The following PCLO variants were observed in gnomAD, a reference collection of about 807,000 sequenced individuals.
The protein encoded by PCLO is protein piccolo.
In PCLO, 82 loss-of-function variants were observed where a neutral mutation model predicts 427.5. The ratio of observed to expected loss-of-function variants is 0.19; its 90% CI spans 0.16 to 0.23. PCLO has a LOEUF of 0.23. Ranked by LOEUF, PCLO falls within the 10% of genes least tolerant of loss-of-function variation. PCLO has a pLI of 1.00. For synonymous variants in PCLO, 2,357 were observed against 2,155.4 expected, an observed-to-expected ratio of 1.09 and a Z score of -2.59; for missense variants, 6,239 against 6,115.9, an observed-to-expected ratio of 1.02 and a Z score of -0.67.
chr7:83,056,062 C>T (rs1390945468), intron 3 of PCLO, among the ~76,000 whole-genome samples: 2 of 152,010 alleles, frequency 1.3e-5, no homozygotes, highest in Admixed American at 6.6e-5. Context: ...ATGATCTCAG[C>T]AATTTAGCTG....
At chr7:82,957,366 G>A (rs1795550756) in intron 4 of PCLO, among the ~76,000 whole-genome samples, 2 of 152,034 alleles carry the variant, frequency 1.3e-5, no homozygotes, top group African/African-American at 4.8e-5. Context: ...TCAGACAACG[G>A]GCTTTGTGCC....
chr7:82,828,916 C>G (rs184646483), intron 16 of PCLO, among the ~76,000 whole-genome samples: 1 of 152,236 alleles, frequency 6.6e-6, no homozygotes, highest in African/African-American at 2.4e-5. Context: ...ACCTCTCTGT[C>G]TGGGGGTCTT....
chr7:83,027,705 C>A (rs1301278950), intron 3 of PCLO, among the ~76,000 whole-genome samples: 1 of 132,478 alleles, frequency 7.5e-6, no homozygotes. Flanking sequence ...CAAAAATCCT[C>A]AATAAAATAC....
In PCLO at chr7:82,805,570, G is replaced by A. The variant is rs1791440067; in HGVS notation, c.14933+118C>T. The A allele has an allele frequency of 9.0e-6, 8 of 888,226 alleles. No individual in the cohort carries two copies. In the East Asian group the frequency reaches 2.1e-4, roughly 24 times the overall value. The allele number at this position is 888,226 out of a possible 1,614,324, so 55.0% of individuals were successfully genotyped here. On this transcript the variant is annotated intron_variant, in intron 21 of 24. Transcript: ENST00000333891. ...TTACATAGGCATTAACAGTTCAAGT[G>A]TCTCAGGGACAATGACTCAGAATTG...
At chr7:82,975,845 T>C (rs1226311885) in intron 3 of PCLO, among the ~76,000 whole-genome samples, 1 of 152,108 alleles carries the variant, frequency 6.6e-6, no homozygotes, top group African/African-American at 2.4e-5. Flanking sequence ...AAAGTGGCAG[T>C]TTCCCCTGCA....
At chr7:82,991,624 A>G (rs1796378356) in intron 3 of PCLO, among the ~76,000 whole-genome samples, 1 of 152,144 alleles carries the variant, frequency 6.6e-6, no homozygotes, top group African/African-American at 2.4e-5. Context: ...GTATATGTAA[A>G]TTCTAAACAC....
chr7:83,088,362 C>T (rs1391073895), intron 3 of PCLO, among the ~76,000 whole-genome samples: 1 of 152,180 alleles, frequency 6.6e-6, no homozygotes, highest in African/African-American at 2.4e-5. Flanking sequence ...GTATCTGGAA[C>T]CCAAAGACTG....
chr7:82,865,436 T>C (rs1205266350), intron 10 of PCLO, among the ~76,000 whole-genome samples: 3 of 152,152 alleles, frequency 2.0e-5, no homozygotes, highest in East Asian at 1.9e-4. Flanking sequence ...TGCAGTGAGC[T>C]GAGATCGCGC....
intron 3 of PCLO, among the ~76,000 whole-genome samples, chr7:83,053,133 A>C (rs1789294040): frequency 6.6e-6 from 1 of 151,854 alleles, no homozygotes; most frequent in Non-Finnish European, 1.5e-5. Flanking sequence ...GCCCACTTGA[A>C]ATTTACTATA....
In PCLO at chr7:82,952,603, TTGA is replaced by T. The variant is rs776446787; in HGVS notation, c.8347_8349del (p.Ser2783del). On this transcript the variant is annotated inframe_deletion, in exon 5 of 25. Transcript: ENST00000333891. ...GTGGCCAGAGATACAGGAGTCACTA[TTGA>T]TGATGTCACACTAAGATTTATAATA... 2 of 1,613,940 alleles carry T rather than the reference TTGA, an allele frequency of 1.2e-6. No individual in the cohort carries two copies. The highest frequency in any genetic ancestry group is 1.7e-6 in the Non-Finnish European group (2 of 1,179,826).
chr7:82,794,970 G>A (rs556592279), intron 22 of PCLO, among the ~76,000 whole-genome samples: 3 of 152,120 alleles, frequency 2.0e-5, no homozygotes, highest in East Asian at 1.9e-4. Context: ...AGACAAAAAT[G>A]TTTATTATTT....
At chr7:82,899,886 G>A (rs548266920) in intron 9 of PCLO, among the ~76,000 whole-genome samples, 62 of 151,614 alleles carry the variant, frequency 4.1e-4, no homozygotes, top group African/African-American at 1.4e-3. Flanking sequence ...AGGCACATTG[G>A]CATAGATTCT....
intron 2 of PCLO, among the ~76,000 whole-genome samples, chr7:83,146,187 T>C (rs181898759): frequency 6.6e-6 from 1 of 152,294 alleles, no homozygotes; most frequent in East Asian, 1.9e-4. Flanking sequence ...AAACATTGTT[T>C]GTAGTGAAAA....
chr7:82,904,994 A>C (rs559458515), intron 8 of PCLO, among the ~76,000 whole-genome samples: 3 of 152,168 alleles, frequency 2.0e-5, no homozygotes, highest in Non-Finnish European at 4.4e-5. Context: ...GAGCTAGATG[A>C]ATCTCAGCTT....
chr7:82,966,501 A>ATT lies in PCLO; in HGVS notation c.3301-16_3301-15dup. On this transcript the variant is annotated splice_polypyrimidine_tract_variant and intron_variant, in intron 3 of 24. Coordinates refer to ENST00000333891, the MANE Select transcript of PCLO (RefSeq NM_033026.6). The stretch of plus-strand genomic sequence containing the variant: ...CCATTCTTGAATCTGTGGGAAAAAA[A>ATT]TTACAATGAACAGATTGAATGTATT... The ATT allele has an allele frequency of 6.8e-7, 1 of 1,475,480 alleles. No individual in the cohort carries two copies. Among genetic ancestry groups the ATT allele is most frequent in the South Asian group, 1.3e-5 (1 of 79,154 alleles). 91.4% of individuals were successfully genotyped at this position (1,475,480 alleles called of 1,614,324 possible). A position where few individuals can be genotyped will look rare whatever the true frequency, so the allele number is the denominator to read the frequency against.
At position 82,846,634 on chromosome 7, in the gene PCLO, C is replaced by G. The variant is rs1318654255; in HGVS notation, c.13764G>C (p.Leu4588=). ...CAGAATCTGATAGCATATTGAGGTCCCTAAAAATTAAAACAAAACATTAAG... is the reference window on the plus strand; with the variant it reads ...CAGAATCTGATAGCATATTGAGGTCGCTAAAAATTAAAACAAAACATTAAG... ...QSGEAEICVR[L]DLNMLSDSEN... is the part of the protein sequence containing the mutation. The change falls in exon 12 of 25, where the codon CTG becomes CTC. Residue 4588 remains leucine (L), a splice_region_variant and synonymous_variant. Coordinates refer to ENST00000333891, the MANE Select transcript of PCLO (RefSeq NM_033026.6). 7 of 1,591,152 alleles carry G rather than the reference C, an allele frequency of 4.4e-6. 1 individual carries two copies.
At chr7:82,800,308 T>C (rs1005597042) in intron 22 of PCLO, among the ~76,000 whole-genome samples, 2 of 152,158 alleles carry the variant, frequency 1.3e-5, no homozygotes, top group African/African-American at 2.4e-5. Flanking sequence ...AAGACCAGAA[T>C]TGAAACCTAA....
chr7:83,134,228 T>TAA, intron 3 of PCLO, 22 bp downstream of exon 3: 2 of 646,606 alleles, frequency 3.1e-6, no homozygotes, highest in Non-Finnish European at 4.4e-6. Context: ...AATATATATA[T>TAA]ATATATATAT....
At chr7:82,787,700 C>A (rs1339809994) in intron 22 of PCLO, among the ~76,000 whole-genome samples, 1 of 151,976 alleles carries the variant, frequency 6.6e-6, no homozygotes, top group East Asian at 1.9e-4. Flanking sequence ...TCTAAAACAC[C>A]CATAAACCAA....
Sources: gnomAD v4.1 joint callset for allele counts (sites outside exome capture counted in the v4.1 genomes callset) on GRCh38, gnomAD v4.1.1 for gene constraint, MANE v1.5 for transcripts, NCBI Gene and HGNC (gene_info 2026-07-23, HGNC 2026-07-21) for gene names.